The following FBRSL1 variants were observed in gnomAD, a reference collection of about 807,000 sequenced individuals.
The protein encoded by FBRSL1 is fibrosin like 1.
Under a neutral mutation model 89.6 loss-of-function variants are expected in FBRSL1, and 51 were observed. The ratio of observed to expected loss-of-function variants is 0.57; its 90% CI spans 0.45 to 0.72. FBRSL1 has a LOEUF of 0.72. Ranked by LOEUF, FBRSL1 falls within the 30% of genes least tolerant of loss-of-function variation. The pLI is 0.00. For missense variants in FBRSL1, 1,618 were observed against 1,451.8 expected (o/e 1.11, Z -1.86); for synonymous variants, 779 against 681.1 (o/e 1.14, Z -2.24).
intron 1 of FBRSL1, among the ~76,000 whole-genome samples, chr12:132,493,262 A>C (rs1385678351): frequency 6.6e-6 from 1 of 152,214 alleles, no homozygotes; most frequent in East Asian, 1.9e-4. Flanking sequence ...CTTTGCTCAC[A>C]GTCCCTCTGC....
intron 4 of FBRSL1, among the ~76,000 whole-genome samples, chr12:132,540,813 GCCCAGATC>G (rs199671242): frequency 5.9e-5 from 9 of 152,236 alleles, no homozygotes; most frequent in African/African-American, 1.9e-4. Context: ...GGCCCCACAA[GCCCAGATC>G]CCCAGATCCC....
intron 15 of FBRSL1, 89 bp downstream of exon 15, chr12:132,577,020 GCT>G: frequency 6.8e-7 from 1 of 1,474,522 alleles, no homozygotes. Context: ...GAGTGAGAGC[GCT>G]CTCTGGACCG....
chr12:132,583,466 C>CG lies in FBRSL1; in HGVS notation c.2701dup (p.Glu901GlyfsTer125). 9.4e-7 allele frequency: 1 copy of CG among 1,059,468 alleles called. No individual in the cohort carries two copies. Among genetic ancestry groups the CG allele is most frequent in the Non-Finnish European group, 1.1e-6 (1 of 876,584 alleles). The allele number at this position is 1,059,468 out of a possible 1,614,324, so 65.6% of individuals were successfully genotyped here. ...ACGGCTACAGCCCCGAGCGCCTGCG[C>CG]GGGGAGCTGGAGCGCGCGCGGGCCC... On this transcript the variant is annotated frameshift_variant, in exon 19 of 19. Transcript: ENST00000680143. LOFTEE classifies it high-confidence loss of function.
At chr12:132,496,818 C>T (rs956320445) in intron 1 of FBRSL1, among the ~76,000 whole-genome samples, 1 of 141,118 alleles carries the variant, frequency 7.1e-6, no homozygotes, top group Non-Finnish European at 1.6e-5. Flanking sequence ...GTGCCGCCGC[C>T]CCGCGCTTCC....
intron 4 of FBRSL1, among the ~76,000 whole-genome samples, chr12:132,541,818 T>C (rs1162559762): frequency 6.6e-6 from 1 of 152,216 alleles, no homozygotes; most frequent in African/African-American, 2.4e-5. Context: ...CACTGCCATC[T>C]GGGAAGATGG....
At chr12:132,537,284 G>C (rs1257420862) in intron 4 of FBRSL1, among the ~76,000 whole-genome samples, 1 of 152,152 alleles carries the variant, frequency 6.6e-6, no homozygotes, top group East Asian at 1.9e-4. Flanking sequence ...TTCAGAGTGA[G>C]ACTGTTCCTG....
In FBRSL1 at chr12:132,583,231, A is replaced by ACGAGGCCTC; in HGVS notation, c.2467_2475dup (p.Ala823_Glu825dup). On this transcript the variant is annotated inframe_insertion, in exon 19 of 19. Transcript: ENST00000680143. Reference sequence around the variant, plus strand: ...AAGGTCAAGGAGGAGCGCGGGGAGGACGAGGCCTCCGAGCCCCCGGCGGGC... The same window carrying ACGAGGCCTC: ...AAGGTCAAGGAGGAGCGCGGGGAGGACGAGGCCTCCGAGGCCTCCGAGCCCCCGGCGGGC... 1 of 1,386,920 alleles carries ACGAGGCCTC rather than the reference A, an allele frequency of 7.2e-7. No individual in the cohort carries two copies. The highest frequency in any genetic ancestry group is 9.3e-7 in the Non-Finnish European group (1 of 1,069,872). The allele number at this position is 1,386,920 out of a possible 1,614,324, so 85.9% of individuals were successfully genotyped here.
chr12:132,555,948 G>A (rs975163690), intron 5 of FBRSL1, among the ~76,000 whole-genome samples: 5 of 152,076 alleles, frequency 3.3e-5, no homozygotes, highest in Non-Finnish European at 5.9e-5. Context: ...TCCAGGAGGC[G>A]CTGCCATCCA....
intron 1 of FBRSL1, among the ~76,000 whole-genome samples, chr12:132,496,822 C>T (rs1324293198): frequency 2.1e-5 from 3 of 141,274 alleles, no homozygotes; most frequent in East Asian, 2.4e-4. Flanking sequence ...CGCCGCCCCG[C>T]GCTTCCTTCC....
intron 2 of FBRSL1, 62 bp from the exon 3 acceptor site, chr12:132,525,672 G>A: frequency 7.1e-7 from 1 of 1,401,878 alleles, no homozygotes; most frequent in Non-Finnish European, 9.9e-7. Context: ...CTAGCCAGGG[G>A]GCCCCGATGC....
intron 2 of FBRSL1, among the ~76,000 whole-genome samples, chr12:132,518,834 C>G (rs1464384309): frequency 6.6e-6 from 1 of 151,842 alleles, no homozygotes; most frequent in Non-Finnish European, 1.5e-5. Flanking sequence ...ACCCGTCCAT[C>G]CATCCACCCA....
At chr12:132,562,140 C>T (rs995577873) in intron 5 of FBRSL1, among the ~76,000 whole-genome samples, 5 of 152,176 alleles carry the variant, frequency 3.3e-5, no homozygotes, top group African/African-American at 4.8e-5. Flanking sequence ...CCTGGGTCAC[C>T]GGCAGTGGCT....
chr12:132,526,995 C>G (rs552742632), intron 3 of FBRSL1, among the ~76,000 whole-genome samples: 35 of 152,262 alleles, frequency 2.3e-4, no homozygotes, highest in Non-Finnish European at 4.9e-4. Context: ...CCCCTGCAGG[C>G]CAGAGGGATC....
Position 132,574,166 on chromosome 12 carries a change from T to A in FBRSL1, c.1599+8T>A. ...CTGCAGAAAGCGCCTGGGGTAGGTGTTAGTGGGCGCCCGTCCCCACCCCGG... is the reference window on the plus strand; with the variant it reads ...CTGCAGAAAGCGCCTGGGGTAGGTGATAGTGGGCGCCCGTCCCCACCCCGG... On this transcript the variant is annotated splice_region_variant and intron_variant, in intron 12 of 18. Coordinates refer to ENST00000680143, the MANE Select transcript of FBRSL1 (RefSeq NM_001367871.1). 7.0e-7 allele frequency: 1 copy of A among 1,422,662 alleles called. No homozygotes were observed. The highest frequency in any genetic ancestry group is 9.1e-7 in the Non-Finnish European group (1 of 1,093,026). The allele number at this position is 1,422,662 out of a possible 1,614,324, so 88.1% of individuals were successfully genotyped here.
intron 1 of FBRSL1, among the ~76,000 whole-genome samples, chr12:132,504,700 G>C (rs1271488753): frequency 6.6e-6 from 1 of 152,190 alleles, no homozygotes; most frequent in Admixed American, 6.5e-5. Flanking sequence ...GCACCCCAGG[G>C]CTGGGCTGGG....
intron 2 of FBRSL1, among the ~76,000 whole-genome samples, chr12:132,512,155 C>T (rs927273353): frequency 1.3e-5 from 2 of 152,204 alleles, no homozygotes; most frequent in Non-Finnish European, 1.5e-5. Flanking sequence ...ATGGGGGCAC[C>T]GGCCTCCAGA....
At position 132,490,600 on chromosome 12, in the gene FBRSL1, C is replaced by G; in HGVS notation, c.30C>G (p.Arg10=). The change falls in exon 1 of 19, where the codon CGC becomes CGG. Residue 10 remains arginine (R), a synonymous_variant. Coordinates refer to ENST00000680143, the MANE Select transcript of FBRSL1 (RefSeq NM_001367871.1). ...AGGCCAAGGTCCGCCCGAGCCGGCG[C>G]TCGCGCGCGCAGCGGGACCGTGGCC... MEAKVRPSR[R]SRAQRDRGRR... The G allele has an allele frequency of 9.2e-6, 9 of 982,930 alleles. No individual in the cohort carries two copies. Among genetic ancestry groups the G allele is most frequent in the Non-Finnish European group, 9.6e-6 (8 of 829,702 alleles). 60.9% of individuals were successfully genotyped at this position (982,930 alleles called of 1,614,324 possible).
intron 1 of FBRSL1, 45 bp from the exon 2 acceptor site, chr12:132,508,108 C>T: frequency 1.4e-6 from 2 of 1,392,802 alleles, no homozygotes; most frequent in South Asian, 1.2e-5. Flanking sequence ...GGCCCAAGGC[C>T]CTGGGGTCCC....
At chr12:132,523,493 G>A (rs898108481) in intron 2 of FBRSL1, among the ~76,000 whole-genome samples, 7 of 152,080 alleles carry the variant, frequency 4.6e-5, no homozygotes, top group African/African-American at 1.7e-4. Context: ...AGCCCTGACC[G>A]GAGGTGGCTT....
Sources: allele counts gnomAD v4.1 joint callset (sites outside exome capture counted in the v4.1 genomes callset), GRCh38; gene constraint gnomAD v4.1.1; transcripts MANE v1.5; gene names NCBI Gene and HGNC (gene_info 2026-07-23, HGNC 2026-07-21).